Variants in DLGAP2 observed in about 807,000 individuals in gnomAD.
The protein encoded by DLGAP2 is disks large-associated protein 2.
Under a neutral mutation model 100.3 loss-of-function variants are expected in DLGAP2, and 26 were observed. The ratio of observed to expected loss-of-function variants is 0.26; its 90% CI spans 0.19 to 0.36. DLGAP2 has a LOEUF of 0.36. Ranked by LOEUF, DLGAP2 falls within the 10% of genes least tolerant of loss-of-function variation. The pLI is 1.00. For missense variants in DLGAP2, 1,858 were observed against 1,453.2 expected (o/e 1.28, Z -4.53); for synonymous variants, 886 against 630.1 (o/e 1.41, Z -6.08).
intron 1 of DLGAP2, among the ~76,000 whole-genome samples, chr8:875,523 A>G (rs1416005084): frequency 2.0e-5 from 3 of 152,190 alleles, no homozygotes; most frequent in Admixed American, 6.5e-5. Context: ...TTCTGCTGCC[A>G]TGTGAAGAAG....
At chr8:905,447 G>A (rs1475312999) in intron 1 of DLGAP2, among the ~76,000 whole-genome samples, 2 of 152,168 alleles carry the variant, frequency 1.3e-5, no homozygotes, top group South Asian at 2.1e-4. Context: ...ACTCTCAAGC[G>A]ATTCCCCCCC....
chr8:839,674 G>A (rs1753836076), intron 1 of DLGAP2, among the ~76,000 whole-genome samples: 2 of 152,254 alleles, frequency 1.3e-5, no homozygotes, highest in Non-Finnish European at 1.5e-5. Flanking sequence ...CCCTCTGTGT[G>A]CCTCGTCCTG....
At chr8:1,633,531 C>T (rs1797701446) in intron 8 of DLGAP2, among the ~76,000 whole-genome samples, 2 of 152,160 alleles carry the variant, frequency 1.3e-5, no homozygotes, top group African/African-American at 4.8e-5. Context: ...TATCTTAGAG[C>T]TCCGAAGACT....
At chr8:1,602,001 T>C (rs1796643107) in intron 6 of DLGAP2, among the ~76,000 whole-genome samples, 1 of 149,738 alleles carries the variant, frequency 6.7e-6, no homozygotes, top group Non-Finnish European at 1.5e-5. Flanking sequence ...GCTACCTTCT[T>C]GCTTGTGGGG....
At chr8:1,315,108 G>A (rs758490560) in intron 3 of DLGAP2, among the ~76,000 whole-genome samples, 13 of 152,210 alleles carry the variant, frequency 8.5e-5, no homozygotes, top group African/African-American at 2.2e-4. Flanking sequence ...CCATAGAACC[G>A]TATTTAGTAA....
chr8:837,706 A>AAT (rs1484115917), intron 1 of DLGAP2, among the ~76,000 whole-genome samples: 3 of 147,618 alleles, frequency 2.0e-5, no homozygotes, highest in Non-Finnish European at 3.0e-5. Flanking sequence ...TGTATATATA[A>AAT]ATATATATAA....
At chr8:1,222,388 C>A (rs1798332297) in intron 2 of DLGAP2, among the ~76,000 whole-genome samples, 1 of 152,120 alleles carries the variant, frequency 6.6e-6, no homozygotes, top group African/African-American at 2.4e-5. Flanking sequence ...ATGCTCTAAC[C>A]CTGGGGGGCT....
chr8:1,146,671 G>T (rs1158863425), intron 2 of DLGAP2, among the ~76,000 whole-genome samples: 1 of 152,194 alleles, frequency 6.6e-6, no homozygotes, highest in Non-Finnish European at 1.5e-5. Flanking sequence ...GTGTGTGCAT[G>T]TGTGTGCATG....
At chr8:1,576,566 T>C (rs1042743495) in intron 6 of DLGAP2, among the ~76,000 whole-genome samples, 14 of 152,362 alleles carry the variant, frequency 9.2e-5, no homozygotes, top group African/African-American at 3.1e-4. Flanking sequence ...TGAATGATAA[T>C]GCCTAGGTTT....
chr8:872,173 T>C (rs551152154), intron 1 of DLGAP2, among the ~76,000 whole-genome samples: 2 of 152,214 alleles, frequency 1.3e-5, no homozygotes, highest in Non-Finnish European at 2.9e-5. Context: ...TTAGAAGGAA[T>C]TTATTCTAAG....
intron 1 of DLGAP2, among the ~76,000 whole-genome samples, chr8:865,389 C>A (rs1797474859): frequency 6.6e-6 from 1 of 152,160 alleles, no homozygotes; most frequent in African/African-American, 2.4e-5. Context: ...AGATTGTGCT[C>A]TAGAGTTAGA....
At chr8:1,495,925 C>T (rs1208885118) in intron 3 of DLGAP2, among the ~76,000 whole-genome samples, 1 of 152,154 alleles carries the variant, frequency 6.6e-6, no homozygotes, top group African/African-American at 2.4e-5. Flanking sequence ...GTCCCGAGAG[C>T]CTCTGACAGC....
intron 2 of DLGAP2, among the ~76,000 whole-genome samples, chr8:1,153,377 G>A (rs568489470): frequency 3.9e-5 from 6 of 152,028 alleles, no homozygotes; most frequent in African/African-American, 1.4e-4. Flanking sequence ...TTCTAAACAC[G>A]CCTCTTTCTA....
At chr8:746,169 C>G (rs1397651703) in intron 1 of DLGAP2, among the ~76,000 whole-genome samples, 1 of 152,240 alleles carries the variant, frequency 6.6e-6, no homozygotes, top group African/African-American at 2.4e-5. Context: ...GAGACCAGGC[C>G]AAAGTGGGTG....
intron 3 of DLGAP2, among the ~76,000 whole-genome samples, chr8:1,306,074 C>CAAAAAAAAAAAAAAAA (rs61647224): frequency 4.6e-4 from 53 of 116,418 alleles, no homozygotes; most frequent in East Asian, 1.3e-3. Context: ...AGAAATTAGG[C>CAAAAAAAAAAAAAAAA]AAAAAAAAAA....
intron 4 of DLGAP2, among the ~76,000 whole-genome samples, chr8:1,515,011 A>ATGGAGGGAGACCGACG (rs1255720457): frequency 6.6e-6 from 1 of 151,530 alleles, no homozygotes; most frequent in Non-Finnish European, 1.5e-5. Flanking sequence ...GGAGACCGAC[A>ATGGAGGGAGACCGACG]TGGAGGGAGA....
At chr8:1,589,805 G>A (rs190434431) in intron 6 of DLGAP2, among the ~76,000 whole-genome samples, 1 of 152,190 alleles carries the variant, frequency 6.6e-6, no homozygotes, top group Non-Finnish European at 1.5e-5. Flanking sequence ...CCCTTGCCTT[G>A]ATGGAGGGTG....
At chr8:813,548 A>G (rs1004832460) in intron 1 of DLGAP2, among the ~76,000 whole-genome samples, 1 of 152,088 alleles carries the variant, frequency 6.6e-6, no homozygotes, top group African/African-American at 2.4e-5. Flanking sequence ...CTATTCTTTT[A>G]TTTTCAAAAC....
At chr8:1,511,811 G>A (rs1473020777) in intron 4 of DLGAP2, among the ~76,000 whole-genome samples, 1 of 141,106 alleles carries the variant, frequency 7.1e-6, no homozygotes, top group African/African-American at 2.5e-5. Flanking sequence ...TTCCATAGAC[G>A]TAAGGGCTGT....
Sources: allele counts gnomAD v4.1 joint callset (sites outside exome capture counted in the v4.1 genomes callset), GRCh38; gene constraint gnomAD v4.1.1; transcripts MANE v1.5; gene names NCBI Gene and HGNC (gene_info 2026-07-23, HGNC 2026-07-21).